MEF2A: variants seen among roughly 807,000 people sequenced by gnomAD.
MEF2A encodes myocyte-specific enhancer factor 2A.
In MEF2A, 28 loss-of-function variants were observed where a neutral mutation model predicts 55.8. The observed-to-expected ratio is 0.50, with a 90% CI of 0.37 to 0.69. The LOEUF is 0.69. Ranked by LOEUF, MEF2A falls within the 30% of genes least tolerant of loss-of-function variation. The probability of loss-of-function intolerance (pLI) is 0.00; values close to 1 mark genes in which losing one functional copy is unlikely to be tolerated. For missense variants in MEF2A, 528 were observed against 626.2 expected, an observed-to-expected ratio of 0.84 and a Z score of 1.67; for synonymous variants, 239 against 227.1, an observed-to-expected ratio of 1.05 and a Z score of -0.47.
At chr15:99,678,814 AAG>A (rs1168456334) in intron 7 of MEF2A, 8 of 377,754 alleles carry the variant, frequency 2.1e-5, no homozygotes, top group African/African-American at 1.7e-4. Context: ...AAGCACTGTA[AAG>A]AGAGTAAAAA....
intron 3 of MEF2A, among the ~76,000 whole-genome samples, chr15:99,634,085 C>T (rs145458486): frequency 6.6e-6 from 1 of 152,206 alleles, no homozygotes; most frequent in African/African-American, 2.4e-5. Flanking sequence ...GGGAAAGTTG[C>T]GTATCAGGAG....
At chr15:99,682,140 G>T (rs145862839) in intron 7 of MEF2A, among the ~76,000 whole-genome samples, 1 of 152,268 alleles carries the variant, frequency 6.6e-6, no homozygotes, top group East Asian at 1.9e-4. Flanking sequence ...TAGAAGAGTA[G>T]TATCTAAGGA....
At chr15:99,602,016 C>T (rs1002202230) in intron 2 of MEF2A, among the ~76,000 whole-genome samples, 18 of 152,140 alleles carry the variant, frequency 1.2e-4, no homozygotes, top group South Asian at 2.1e-4. Context: ...CTGTTACCAG[C>T]GGTGAATCTG....
At chr15:99,582,767 C>T (rs566645403) in intron 1 of MEF2A, among the ~76,000 whole-genome samples, 1 of 152,204 alleles carries the variant, frequency 6.6e-6, no homozygotes, top group East Asian at 1.9e-4. Context: ...CCTTTTTCTT[C>T]TGTGAGATAC....
At chr15:99,637,667 G>T in intron 3 of MEF2A, among the ~76,000 whole-genome samples, 1 of 151,914 alleles carries the variant, frequency 6.6e-6, no homozygotes, top group Non-Finnish European at 1.5e-5. Flanking sequence ...GTGTAAGACG[G>T]AGTCTCGCTC....
At chr15:99,567,092 C>A (rs1959985569) in intron 1 of MEF2A, among the ~76,000 whole-genome samples, 1 of 152,196 alleles carries the variant, frequency 6.6e-6, no homozygotes, top group South Asian at 2.1e-4. Flanking sequence ...AATTGTTGCT[C>A]ACATCCGAAA....
chr15:99,635,408 G>C (rs2043619297), intron 3 of MEF2A, among the ~76,000 whole-genome samples: 7 of 152,172 alleles, frequency 4.6e-5, no homozygotes, highest in Admixed American at 4.6e-4. Flanking sequence ...GAAGCCTCTG[G>C]TGAAACCTTA....
At chr15:99,688,380 G>A (rs1340362526) in intron 7 of MEF2A, among the ~76,000 whole-genome samples, 1 of 152,136 alleles carries the variant, frequency 6.6e-6, no homozygotes, top group East Asian at 1.9e-4. Context: ...GTTTAATCAG[G>A]GATTTTACAT....
chr15:99,675,388 A>C lies in MEF2A; in HGVS notation c.611-11A>C. ...TCTCTGCCCTCTGTCTTCTCTCCGTAACGTTGTTAGGTGGGATGTTGAGCA... is the reference window on the plus strand; with the variant it reads ...TCTCTGCCCTCTGTCTTCTCTCCGTCACGTTGTTAGGTGGGATGTTGAGCA... On this transcript the variant is annotated splice_polypyrimidine_tract_variant and intron_variant, in intron 6 of 11. Transcript: ENST00000557942. The C allele has an allele frequency of 6.2e-7, 1 of 1,613,294 alleles. No homozygotes were observed. Among genetic ancestry groups the C allele is most frequent in the Non-Finnish European group, 8.5e-7 (1 of 1,179,260 alleles).
intron 9 of MEF2A, among the ~76,000 whole-genome samples, chr15:99,705,439 C>T (rs2057917457): frequency 6.6e-6 from 1 of 152,180 alleles, no homozygotes; most frequent in South Asian, 2.1e-4. Flanking sequence ...CTGTGCAAGG[C>T]AGCCAGGACA....
chr15:99,713,044 C>G lies in MEF2A; in HGVS notation c.*273C>G. ...GTAGGCACAGACAAGTCTGGCACTT[C>G]CTTGGACTACTTGTTTCGTAAAGAT... On this transcript the variant is annotated 3_prime_UTR_variant, in exon 12 of 12. Transcript: ENST00000557942. 2.0e-6 allele frequency: 1 copy of G among 489,142 alleles called. No individual in the cohort carries two copies. Among genetic ancestry groups the G allele is most frequent in the Non-Finnish European group, 3.6e-6 (1 of 278,224 alleles). The allele number at this position is 489,142 out of a possible 1,614,324, so 30.3% of individuals were successfully genotyped here.
chr15:99,669,225 G>C (rs116837045), intron 4 of MEF2A, among the ~76,000 whole-genome samples: 1,550 of 152,248 alleles, frequency 0.01, 35 homozygotes, highest in African/African-American at 0.035. Context: ...AGAAGAGCAA[G>C]ACTAATTAAC....
At chr15:99,693,342 G>C (rs2055858016) in intron 8 of MEF2A, among the ~76,000 whole-genome samples, 1 of 152,066 alleles carries the variant, frequency 6.6e-6, no homozygotes, top group Non-Finnish European at 1.5e-5. Context: ...AGAGAAGAGA[G>C]AACAGATTAG....
chr15:99,573,286 CAAA>C (rs66573508), intron 1 of MEF2A, among the ~76,000 whole-genome samples: 9 of 86,622 alleles, frequency 1.0e-4, no homozygotes, highest in Non-Finnish European at 9.2e-5. Context: ...GACTCCGTCT[CAAA>C]AAAAAAAAAA....
At chr15:99,567,682 T>A (rs1402907795) in intron 1 of MEF2A, among the ~76,000 whole-genome samples, 3 of 151,306 alleles carry the variant, frequency 2.0e-5, no homozygotes, top group Non-Finnish European at 4.4e-5. Flanking sequence ...GAGAGCTCAG[T>A]CTCCATTTCT....
rs370990459 is a variant in MEF2A at position 99,618,007 on chromosome 15, A to G, written c.-142-14971A>G. 2.3e-3 allele frequency among the ~76,000 whole-genome samples: 346 copies of G among 152,344 alleles called. 1 individual carries two copies. The highest frequency in any genetic ancestry group is 4.1e-3 in the Non-Finnish European group (278 of 68,032). ...AACAAACTTTAAAAAAGCACAGAAA[A>G]TCAGTGTTTCTCTCTGTAGTCAGAA... On this transcript the variant is annotated intron_variant, in intron 2 of 11. Coordinates refer to ENST00000557942, the MANE Select transcript of MEF2A (RefSeq NM_001319206.4).
At chr15:99,671,133 G>T (rs574502209) in intron 4 of MEF2A, among the ~76,000 whole-genome samples, 190 bp from the exon 5 acceptor site, 2 of 152,320 alleles carry the variant, frequency 1.3e-5, no homozygotes, top group African/African-American at 4.8e-5. Context: ...TACAATGGGA[G>T]AATTAATTTT....
At chr15:99,674,095 C>T (rs867822063) in intron 5 of MEF2A, among the ~76,000 whole-genome samples, 14 of 152,200 alleles carry the variant, frequency 9.2e-5, no homozygotes, top group Admixed American at 3.3e-4. Flanking sequence ...AATATGACAA[C>T]ACTACTTGAT....
chr15:99,690,424 C>T lies in MEF2A; in HGVS notation c.854C>T (p.Pro285Leu). The T allele has an allele frequency of 6.3e-7, 1 of 1,591,420 alleles. No individual in the cohort carries two copies. The highest frequency in any genetic ancestry group is 8.6e-7 in the Non-Finnish European group (1 of 1,167,450). Residue 285 changes from proline (P) to leucine (L), a missense_variant, in exon 8 of 12, where the codon CCA (proline) becomes CTA (leucine). Coordinates refer to ENST00000557942, the MANE Select transcript of MEF2A (RefSeq NM_001319206.4). ...CCTTCAAGCAAGGGCATGATGCCTC[C>T]ACTAGTAAGTTGAACCTTTCTTCAA... Reference protein sequence around the residue: ...IPPSSKGMMPPLSEEEELELN... With the variant: ...IPPSSKGMMPLLSEEEELELN...
Sources: allele counts gnomAD v4.1 joint callset (sites outside exome capture counted in the v4.1 genomes callset), GRCh38; gene constraint gnomAD v4.1.1; transcripts MANE v1.5; gene names NCBI Gene and HGNC (gene_info 2026-07-23, HGNC 2026-07-21).